Variants in TMEM181 observed in about 807,000 individuals in gnomAD.
The protein encoded by TMEM181 is G protein-coupled receptor 178.
A neutral mutation model predicts 71.9 loss-of-function variants in TMEM181; 39 were observed. That is an observed-to-expected ratio of 0.54 (90% CI 0.42 to 0.71). The LOEUF (loss-of-function observed/expected upper bound fraction) is 0.71. Ranked by LOEUF, TMEM181 falls within the 30% of genes least tolerant of loss-of-function variation. The probability of loss-of-function intolerance (pLI) is 0.00; values close to 1 mark genes in which losing one functional copy is unlikely to be tolerated. For missense variants in TMEM181, 595 were observed against 583.0 expected, an observed-to-expected ratio of 1.02 and a Z score of -0.21; for synonymous variants, 245 against 228.8, an observed-to-expected ratio of 1.07 and a Z score of -0.64.
At chr6:158,545,008 G>A (rs1354182151) in intron 1 of TMEM181, among the ~76,000 whole-genome samples, 1 of 152,214 alleles carries the variant, frequency 6.6e-6, no homozygotes, top group Non-Finnish European at 1.5e-5. Flanking sequence ...AAAACGCCCC[G>A]GGGTGACGGT....
chr6:158,583,862 T>C lies in TMEM181; in HGVS notation c.169-92T>C, dbSNP rs888724625. The stretch of plus-strand genomic sequence containing the variant: ...TCAAAGCTAACACTGAAGCCTTTAT[T>C]GCTAAAAGTAAACTTTGTGTGTTAA... On this transcript the variant is annotated intron_variant, in intron 3 of 16. Coordinates refer to ENST00000684151, the MANE Select transcript of TMEM181 (RefSeq NM_001376852.1). 5.7e-6 allele frequency: 5 copies of C among 877,256 alleles called. No individual in the cohort carries two copies. In the Admixed American group the frequency reaches 1.4e-4, roughly 25 times the overall value. The allele number at this position is 877,256 out of a possible 1,614,324, so 54.3% of individuals were successfully genotyped here. A position where few individuals can be genotyped will look rare whatever the true frequency, so the allele number is the denominator to read the frequency against.
chr6:158,614,042 C>T (rs1423325986), intron 10 of TMEM181, among the ~76,000 whole-genome samples: 3 of 152,222 alleles, frequency 2.0e-5, no homozygotes, highest in Non-Finnish European at 4.4e-5. Flanking sequence ...GAACCTTAGA[C>T]ATCCCATACA....
At chr6:158,553,388 C>T (rs1781776366) in intron 1 of TMEM181, among the ~76,000 whole-genome samples, 1 of 152,138 alleles carries the variant, frequency 6.6e-6, no homozygotes, top group South Asian at 2.1e-4. Context: ...TTAGACAAAG[C>T]TAGTCATCAG....
chr6:158,580,996 G>T lies in TMEM181; in HGVS notation c.168+1G>T. The T allele has an allele frequency of 1.9e-6, 3 of 1,608,388 alleles. No homozygotes were observed. The highest frequency in any genetic ancestry group is 2.6e-6 in the Non-Finnish European group (3 of 1,175,514). On this transcript the variant is annotated splice_donor_variant, in intron 3 of 16. Coordinates refer to ENST00000684151, the MANE Select transcript of TMEM181 (RefSeq NM_001376852.1). LOFTEE classifies it high-confidence loss of function. ...TTTTTCACTAAATAATAGCAAAAAG[G>T]TAAGACTGGGTCTGAGTGGCAGCTG...
At chr6:158,593,571 C>G (rs777619729) in intron 6 of TMEM181, among the ~76,000 whole-genome samples, 8 of 152,224 alleles carry the variant, frequency 5.3e-5, no homozygotes, top group Non-Finnish European at 8.8e-5. Flanking sequence ...TCTGGTCTGA[C>G]TCAGTATCCT....
At chr6:158,549,839 T>C (rs1457107431) in intron 1 of TMEM181, among the ~76,000 whole-genome samples, 1 of 152,144 alleles carries the variant, frequency 6.6e-6, no homozygotes, top group Admixed American at 6.6e-5. Flanking sequence ...TGACGGCCTT[T>C]ATGCAACGTT....
chr6:158,611,563 C>T, intron 10 of TMEM181: 2 of 403,858 alleles, frequency 5.0e-6, no homozygotes, highest in Middle Eastern at 4.4e-4. Context: ...AAGCTGCAGG[C>T]TTCCTTTTCT....
intron 7 of TMEM181, among the ~76,000 whole-genome samples, chr6:158,606,866 G>A (rs77356614): frequency 0.015 from 2,250 of 152,334 alleles, 67 homozygotes; most frequent in African/African-American, 0.052. Flanking sequence ...TGTCCTGGGT[G>A]GGTTCGTCTG....
At chr6:158,588,740 G>A (rs1310404734) in intron 5 of TMEM181, among the ~76,000 whole-genome samples, 1 of 152,196 alleles carries the variant, frequency 6.6e-6, no homozygotes, top group Non-Finnish European at 1.5e-5. Context: ...GAGCCACCAC[G>A]CCCAGCCACC....
chr6:158,543,076 C>T (rs547965053), intron 1 of TMEM181, among the ~76,000 whole-genome samples: 3 of 151,922 alleles, frequency 2.0e-5, no homozygotes, highest in East Asian at 3.9e-4. Context: ...GAGGTTTTAC[C>T]GTGTTAGCCA....
Position 158,635,189 on chromosome 6 carries a change from CCT to C in TMEM181, c.*3302_*3303del, listed in dbSNP as rs991099545. 1 of 152,178 alleles carries C rather than the reference CCT, an allele frequency of 6.6e-6. No homozygotes were observed. The highest frequency in any genetic ancestry group is 1.5e-5 in the Non-Finnish European group (1 of 68,038). 9.4% of individuals were successfully genotyped at this position (152,178 alleles called of 1,614,324 possible). ...AAGAATTTTCTGCTACTAAAAACTG[CCT>C]TTTTACAAAATGACTGTAAATATTT... On this transcript the variant is annotated 3_prime_UTR_variant, in exon 17 of 17. Coordinates refer to ENST00000684151, the MANE Select transcript of TMEM181 (RefSeq NM_001376852.1).
chr6:158,565,983 G>A (rs150312613), intron 1 of TMEM181, among the ~76,000 whole-genome samples: 115 of 152,324 alleles, frequency 7.5e-4, no homozygotes, highest in African/African-American at 2.3e-3. Flanking sequence ...ATGCCTATGT[G>A]ACTTTGTATG....
chr6:158,608,361 C>T lies in TMEM181; in HGVS notation c.702C>T (p.Val234=), dbSNP rs1785081738. ...NDPFFPLSFL[V]NSWLPGMLDD... is the part of the protein sequence containing the mutation. ...CGTTCTTCCCCCTCTCCTTCCTGGT[C>T]AACAGCTGGCTCCCAGGGATGCTGG... is the stretch of plus-strand genomic sequence containing the variant. The change falls in exon 9 of 17, where the codon GTC becomes GTT. Residue 234 remains valine, a synonymous_variant. Transcript: ENST00000684151. 4 of 1,614,112 alleles carry T rather than the reference C, an allele frequency of 2.5e-6. No individual in the cohort carries two copies. Among genetic ancestry groups the T allele is most frequent in the Admixed American group, 3.3e-5 (2 of 60,004 alleles).
intron 7 of TMEM181, among the ~76,000 whole-genome samples, chr6:158,605,601 GC>G (rs1237412055): frequency 2.6e-5 from 4 of 152,186 alleles, no homozygotes; most frequent in Non-Finnish European, 5.9e-5. Context: ...TTGATCATGT[GC>G]GGTGAAAAGT....
At chr6:158,580,881 AAAT>A in intron 2 of TMEM181, 56 bp from the exon 3 acceptor site, 1 of 1,512,934 alleles carries the variant, frequency 6.6e-7, no homozygotes, top group Non-Finnish European at 9.1e-7. Flanking sequence ...ATTTGGAAAA[AAAT>A]ACTAAATTAT....
chr6:158,537,985 G>A (rs1299660018), intron 1 of TMEM181, among the ~76,000 whole-genome samples: 1 of 152,144 alleles, frequency 6.6e-6, no homozygotes, highest in Non-Finnish European at 1.5e-5. Flanking sequence ...AAAATCATGT[G>A]ATGTAGCTTT....
rs980779513 is a variant in TMEM181, at chr6:158,572,225, C to T, written c.9-1195C>T. 1.2e-4 allele frequency among the ~76,000 whole-genome samples: 18 copies of T among 152,304 alleles called. No individual in the cohort carries two copies. The East Asian group carries it at 2.5e-3, about 21-fold the overall frequency. On this transcript the variant is annotated intron_variant, in intron 1 of 16. Transcript: ENST00000684151. The stretch of plus-strand genomic sequence containing the variant: ...TGCTCTGCAACTGCAGTCTCTCAGG[C>T]GTGTGCTGCGGGGATGTGGGCACGC...
At chr6:158,570,386 C>T (rs1396511658) in intron 1 of TMEM181, among the ~76,000 whole-genome samples, 2 of 151,816 alleles carry the variant, frequency 1.3e-5, no homozygotes, top group African/African-American at 4.8e-5. Flanking sequence ...GTGCCCGCCA[C>T]AAAGCCTGGC....
chr6:158,546,656 AG>A (rs1158684753), intron 1 of TMEM181, among the ~76,000 whole-genome samples: 1 of 152,164 alleles, frequency 6.6e-6, no homozygotes, highest in Non-Finnish European at 1.5e-5. Flanking sequence ...TCCCTTAGGG[AG>A]CTTTAAAAAT....
Sources: allele counts gnomAD v4.1 joint callset (sites outside exome capture counted in the v4.1 genomes callset), GRCh38; gene constraint gnomAD v4.1.1; transcripts MANE v1.5; gene names NCBI Gene and HGNC (gene_info 2026-07-23, HGNC 2026-07-21).